OSCAR: variants seen among roughly 807,000 people sequenced by gnomAD.
The protein encoded by OSCAR is osteoclast associated Ig-like receptor.
In OSCAR, 25 loss-of-function variants were observed where a neutral mutation model predicts 27.3. The observed-to-expected ratio is 0.92, with a 90% CI of 0.67 to 1.28. The LOEUF (loss-of-function observed/expected upper bound fraction) is 1.28. OSCAR is among the 50% of genes most tolerant of loss of function. The pLI, the probability that OSCAR is intolerant of heterozygous loss-of-function variation, is 0.00. For missense variants in OSCAR, 354 were observed against 355.1 expected, an observed-to-expected ratio of 1.00 and a Z score of 0.03; for synonymous variants, 158 against 165.7, an observed-to-expected ratio of 0.95 and a Z score of 0.36.
rs768811467 is a variant in OSCAR, at chr19:54,095,871, C to T, written c.655+1G>A. On this transcript the variant is annotated splice_donor_variant, in intron 4 of 4. Coordinates refer to ENST00000358375, the MANE Select transcript of OSCAR (RefSeq NM_133169.6). LOFTEE classifies it high-confidence loss of function. ...GGCGGGCCGGGCCTCAGGGCCCTCA[C>T]CTTCCCAGCTGATGACCAGCACCTC... The T allele has an allele frequency of 7.1e-6, 11 of 1,555,582 alleles. No homozygotes were observed. The African/African-American group carries it at 1.5e-4, about 21-fold the overall frequency.
At chr19:54,098,010 T>C (rs1481818242) in intron 2 of OSCAR, among the ~76,000 whole-genome samples, 1 of 152,136 alleles carries the variant, frequency 6.6e-6, no homozygotes, top group Non-Finnish European at 1.5e-5. Context: ...CCTCATACCA[T>C]TTCCCAAAAC....
At chr19:54,095,414 C>A in intron 4 of OSCAR, 57 bp from the exon 5 acceptor site, 1 of 1,521,230 alleles carries the variant, frequency 6.6e-7, no homozygotes, top group Admixed American at 2.2e-5. Context: ...AAGTCTGGGC[C>A]CTGAACTCCA....
In OSCAR at chr19:54,097,991, G is replaced by A. The variant is rs145970091; in HGVS notation, c.71-827C>T. Among the ~76,000 whole-genome samples, 395 of 151,916 alleles carry A rather than the reference G, an allele frequency of 2.6e-3. 2 individuals are homozygous for A. The highest frequency in any genetic ancestry group is 6.8e-3 in the Middle Eastern group (2 of 294). On this transcript the variant is annotated intron_variant, in intron 2 of 4. Transcript: ENST00000358375. ...TTGCTATTTGGAAAAGAAAAATGTT[G>A]GATCCCTACCTCATACCATTTCCCA... is the stretch of plus-strand genomic sequence containing the variant.
chr19:54,097,686 T>G (rs1284196235), intron 2 of OSCAR, among the ~76,000 whole-genome samples: 5 of 149,184 alleles, frequency 3.4e-5, no homozygotes, highest in Non-Finnish European at 5.9e-5. Flanking sequence ...CCTCAATCTC[T>G]TGGGCTCAAA....
Position 54,096,069 on chromosome 19 carries a change from C to T in OSCAR, c.458G>A (p.Arg153His), listed in dbSNP as rs748233554. The part of the protein sequence containing the change: ...GANVSLRCAG[R>H]LRNMSFVLYR... ...CAGCACGAAGCTCATGTTCCGCAGG[C>T]GGCCCGCGCAGCGCAGGCTCACGTT... Residue 153 changes from arginine (R) to histidine (H), a missense_variant, in exon 4 of 5, where the codon CGC becomes CAC. Coordinates refer to ENST00000358375, the MANE Select transcript of OSCAR (RefSeq NM_133169.6). 2 of 1,539,364 alleles carry T rather than the reference C, an allele frequency of 1.3e-6. No individual in the cohort carries two copies. Among genetic ancestry groups the T allele is most frequent in the Non-Finnish European group, 1.7e-6 (2 of 1,147,936 alleles).
At chr19:54,097,526 C>G (rs2146296040) in intron 2 of OSCAR, among the ~76,000 whole-genome samples, 1 of 151,084 alleles carries the variant, frequency 6.6e-6, no homozygotes, top group Non-Finnish European at 1.5e-5. Flanking sequence ...CTCAAGCAAT[C>G]CTCCCACCTC....
chr19:54,095,343 CGGA>C lies in OSCAR; in HGVS notation c.667_669del (p.Ser223del). On this transcript the variant is annotated inframe_deletion, in exon 5 of 5. Transcript: ENST00000358375. ...CGGACTAGGTTCCCCCGGGTGTAGT[CGGA>C]GGAGCCAGAGTCTGCGGGCGGAGCC... 1 of 1,565,658 alleles carries C rather than the reference CGGA, an allele frequency of 6.4e-7. No individual in the cohort carries two copies. The highest frequency in any genetic ancestry group is 8.7e-7 in the Non-Finnish European group (1 of 1,155,646).
chr19:54,097,584 CTTTTTTTTT>C (rs33998262), intron 2 of OSCAR, among the ~76,000 whole-genome samples: 14 of 37,454 alleles, frequency 3.7e-4, no homozygotes, highest in African/African-American at 6.9e-4. Flanking sequence ...CACACCCAGA[CTTTTTTTTT>C]TTTTTTTTTT....
At chr19:54,098,917 T>C (rs1264021064) in intron 2 of OSCAR, among the ~76,000 whole-genome samples, 1 of 147,746 alleles carries the variant, frequency 6.8e-6, no homozygotes, top group East Asian at 2.1e-4. Context: ...ACCCAGGAGG[T>C]GGTTGCAGTG....
Position 54,097,136 on chromosome 19 carries a change from T to C in OSCAR, c.99A>G (p.Pro33=). The change falls in exon 3 of 5, where the codon CCA becomes CCG. Residue 33 remains proline (P), a synonymous_variant. Coordinates refer to ENST00000358375, the MANE Select transcript of OSCAR (RefSeq NM_133169.6). ...CTGTAGCCGGCTGAGCTCCCAGCCA[T>C]GGCTTAGGGTGGTATGAAGCTGGGG... ...SVPPASYHPK[P]WLGAQPATVV... 1 of 1,614,032 alleles carries C rather than the reference T, an allele frequency of 6.2e-7. No individual in the cohort carries two copies. The highest frequency in any genetic ancestry group is 8.5e-7 in the Non-Finnish European group (1 of 1,179,954).
chr19:54,095,727 G>T (rs1340306100), intron 4 of OSCAR, 145 bp downstream of exon 4: 8 of 1,334,538 alleles, frequency 6.0e-6, no homozygotes, highest in Non-Finnish European at 7.1e-6. Flanking sequence ...GGAATCCTGG[G>T]TCTGAGGGAG....
intron 2 of OSCAR, among the ~76,000 whole-genome samples, chr19:54,099,056 TTTTTTTG>T (rs1246373476): frequency 2.7e-5 from 1 of 36,718 alleles, no homozygotes; most frequent in African/African-American, 3.5e-4. Flanking sequence ...CCAAAAGAGT[TTTTTTTG>T]TTTGTTTGTT....
intron 3 of OSCAR, among the ~76,000 whole-genome samples, chr19:54,096,493 CCTCT>C (rs1179164051): frequency 8.0e-6 from 1 of 124,284 alleles, no homozygotes; most frequent in Non-Finnish European, 1.7e-5. Context: ...TCTCTGCCTC[CCTCT>C]CTCTCTGCCT....
Position 54,095,910 on chromosome 19 carries a change from A to T in OSCAR, c.617T>A (p.Leu206Gln). The T allele has an allele frequency of 6.3e-7, 1 of 1,575,510 alleles. No individual in the cohort carries two copies. The highest frequency in any genetic ancestry group is 8.6e-7 in the Non-Finnish European group (1 of 1,160,826). Reference sequence around the variant, plus strand: ...GACCAGCACCTCGCTGCGCTGCGACAGCACGTAGGGCGCGGAGGGCGTGTG... The same window carrying T: ...GACCAGCACCTCGCTGCGCTGCGACTGCACGTAGGGCGCGGAGGGCGTGTG... Reference protein sequence around the residue: ...YYHTPSAPYVLSQRSEVLVIS... With the variant: ...YYHTPSAPYVQSQRSEVLVIS... Residue 206 changes from leucine (L) to glutamine (Q), a missense_variant, in exon 4 of 5, where the codon CTG (leucine) becomes CAG (glutamine). By Grantham distance (113) the Leu-to-Gln change is moderately radical. Coordinates refer to ENST00000358375, the MANE Select transcript of OSCAR (RefSeq NM_133169.6).
At chr19:54,100,111 C>T (rs1286692471) in intron 1 of OSCAR, among the ~76,000 whole-genome samples, 8 of 152,310 alleles carry the variant, frequency 5.3e-5, no homozygotes, top group Middle Eastern at 3.4e-3. Flanking sequence ...TGAGCCGCTG[C>T]GCCCAACAGC....
At chr19:54,098,530 C>T (rs1230104163) in intron 2 of OSCAR, among the ~76,000 whole-genome samples, 4 of 152,108 alleles carry the variant, frequency 2.6e-5, no homozygotes, top group Non-Finnish European at 5.9e-5. Flanking sequence ...TGCCACTGCA[C>T]TCCAGCCTGG....
chr19:54,100,023 G>A (rs587634042), intron 1 of OSCAR, among the ~76,000 whole-genome samples: 1 of 152,120 alleles, frequency 6.6e-6, no homozygotes, highest in Non-Finnish European at 1.5e-5. Context: ...TGTTGGTCAG[G>A]CTGGTCTTGA....
rs2072776344 is a variant in OSCAR, at chr19:54,097,020, GGA to G, written c.213_214del (p.Leu73SerfsTer177). The G allele has an allele frequency of 6.2e-7, 1 of 1,614,170 alleles. No homozygotes were observed. Among genetic ancestry groups the G allele is most frequent in the East Asian group, 2.2e-5 (1 of 44,880 alleles). ...GGAGGACACATCCCGGAAGAGAAGG[GGA>G]GCGATCTCTCCAGGCTTGAAAAGTC... On this transcript the variant is annotated frameshift_variant, in exon 3 of 5. Coordinates refer to ENST00000358375, the MANE Select transcript of OSCAR (RefSeq NM_133169.6). LOFTEE classifies it high-confidence loss of function.
At chr19:54,099,229 A>ATTTTTT (rs1228940404) in intron 2 of OSCAR, among the ~76,000 whole-genome samples, 992 of 82,378 alleles carry the variant, frequency 0.012, 59 homozygotes, top group Non-Finnish European at 0.015. Context: ...CACCCGGCTA[A>ATTTTTT]TTTTTTTTTT....
Sources: allele counts gnomAD v4.1 joint callset (sites outside exome capture counted in the v4.1 genomes callset), GRCh38; gene constraint gnomAD v4.1.1; transcripts MANE v1.5; gene names NCBI Gene and HGNC (gene_info 2026-07-23, HGNC 2026-07-21).